FAM20A: variants seen among roughly 807,000 people sequenced by gnomAD.
FAM20A encodes FAM20A golgi associated secretory pathway pseudokinase.
In FAM20A, 42 loss-of-function variants were observed where a neutral mutation model predicts 52.0. The observed-to-expected ratio is 0.81, with a 90% CI of 0.63 to 1.04. The LOEUF is 1.04. Ranked by LOEUF, FAM20A falls within the 50% of genes least tolerant of loss-of-function variation. FAM20A has a pLI of 0.00. For synonymous variants in FAM20A, 304 were observed against 298.9 expected (o/e 1.02, Z -0.18); for missense variants, 742 against 712.7 (o/e 1.04, Z -0.47).
intron 1 of FAM20A, among the ~76,000 whole-genome samples, chr17:68,561,709 A>G (rs539923166): frequency 1.3e-5 from 2 of 152,196 alleles, no homozygotes; most frequent in South Asian, 2.1e-4. Flanking sequence ...AGTTTTAAAC[A>G]GGCTTATCAA....
At chr17:68,570,821 C>T (rs986186207) in intron 1 of FAM20A, among the ~76,000 whole-genome samples, 7 of 152,198 alleles carry the variant, frequency 4.6e-5, no homozygotes, top group Non-Finnish European at 4.4e-5. Context: ...GCTAAATTCA[C>T]TGGTTACTAA....
At chr17:68,574,734 G>T (rs1214714369) in intron 1 of FAM20A, among the ~76,000 whole-genome samples, 1 of 152,160 alleles carries the variant, frequency 6.6e-6, no homozygotes, top group Non-Finnish European at 1.5e-5. Context: ...GAAGTCAAGA[G>T]CTCTATTTGG....
rs201900897 is a variant in FAM20A at position 68,542,829 on chromosome 17, G to A, written c.813-20C>T. ...AGAATCCTGCAAGAGAGGAAGCTCT[G>A]TTCCATCTGAGGGATGATCAGGGAG... On this transcript the variant is annotated intron_variant, in intron 5 of 10. Transcript: ENST00000592554. The A allele has an allele frequency of 6.4e-7, 1 of 1,573,716 alleles. No homozygotes were observed. The highest frequency in any genetic ancestry group is 1.7e-4 in the Middle Eastern group (1 of 5,984).
intron 1 of FAM20A, among the ~76,000 whole-genome samples, chr17:68,573,256 G>A (rs963745747): frequency 5.9e-5 from 9 of 152,192 alleles, no homozygotes; most frequent in Non-Finnish European, 7.3e-5. Flanking sequence ...ACCTCTCTGC[G>A]CCTCACCTCA....
chr17:68,585,475 A>AT (rs1279648984), intron 1 of FAM20A, among the ~76,000 whole-genome samples: 1 of 149,902 alleles, frequency 6.7e-6, no homozygotes, highest in Non-Finnish European at 1.5e-5. Context: ...TTTTATGTAA[A>AT]TTTTTCTTTT....
Position 68,537,647 on chromosome 17 carries a change from G to A in FAM20A, c.1456C>T (p.Leu486Phe). The A allele has an allele frequency of 1.9e-6, 3 of 1,613,876 alleles. No homozygotes were observed. The highest frequency in any genetic ancestry group is 2.5e-6 in the Non-Finnish European group (3 of 1,179,918). The change falls in exon 11 of 11, where the codon CTC (leucine) becomes TTC (phenylalanine). Residue 486 changes from leucine to phenylalanine, a missense_variant. Coordinates refer to ENST00000592554, the MANE Select transcript of FAM20A (RefSeq NM_017565.4). The surrounding 1 kb of genome is among the most constrained non-coding windows in gnomAD (Gnocchi z 4.2). ...VMRESLLEDQ[L>F]SPVLTEPHLL... ...TGGGGTTCAGTGAGGACAGGGCTGA[G>A]CTGGTCTTCCAGCAGTGATTCTCGC...
rs867031084 is a variant in FAM20A at position 68,555,676 on chromosome 17, C to G, written c.472G>C (p.Glu158Gln). The G allele has an allele frequency of 6.2e-7, 1 of 1,613,868 alleles. No homozygotes were observed. The highest frequency in any genetic ancestry group is 1.7e-5 in the Admixed American group (1 of 60,024). The change falls in exon 2 of 11, where the codon GAG becomes CAG. Residue 158 changes from glutamate to glutamine, a missense_variant. Coordinates refer to ENST00000592554, the MANE Select transcript of FAM20A (RefSeq NM_017565.4). ...AGGTGGAACTGGACCCAGCTGGCCT[C>G]GAGTCGGAGCTGCAGTGGGGGGTCC... The part of the protein sequence containing the change: ...SLDPPLQLRL[E>Q]ASWVQFHLGI...
intron 1 of FAM20A, among the ~76,000 whole-genome samples, chr17:68,598,856 T>C (rs2088531655): frequency 6.6e-6 from 1 of 152,188 alleles, no homozygotes; most frequent in Non-Finnish European, 1.5e-5. Flanking sequence ...ATAGTAGACA[T>C]ATAGATACTT....
At chr17:68,548,723 A>ATTTTTT (rs200833117) in intron 4 of FAM20A, among the ~76,000 whole-genome samples, 9 of 117,944 alleles carry the variant, frequency 7.6e-5, no homozygotes, top group Non-Finnish European at 1.0e-4. Flanking sequence ...CTATGCCTGT[A>ATTTTTT]TATTTTTTTT....
Position 68,600,931 on chromosome 17 carries a change from G to A in FAM20A, c.-265C>T. ...AGTGAGCCGAGGGAATGGGGTTCCCGGGGTGCCCGCTTCTTGCGCCTTTTC... is the reference window on the plus strand; with the variant it reads ...AGTGAGCCGAGGGAATGGGGTTCCCAGGGTGCCCGCTTCTTGCGCCTTTTC... On this transcript the variant is annotated 5_prime_UTR_variant, in exon 1 of 11. Transcript: ENST00000592554. The surrounding 1 kb of genome is among the most constrained non-coding windows in gnomAD (Gnocchi z 6.2). 4.8e-6 allele frequency: 2 copies of A among 418,904 alleles called. No homozygotes were observed. The highest frequency in any genetic ancestry group is 8.3e-6 in the Non-Finnish European group (2 of 239,532). The allele number at this position is 418,904 out of a possible 1,614,324, so 25.9% of individuals were successfully genotyped here. A position where few individuals can be genotyped will look rare whatever the true frequency, so the allele number is the denominator to read the frequency against.
At chr17:68,587,281 T>A (rs2088188306) in intron 1 of FAM20A, among the ~76,000 whole-genome samples, 1 of 152,236 alleles carries the variant, frequency 6.6e-6, no homozygotes, top group South Asian at 2.1e-4. Flanking sequence ...CCACAGGGTC[T>A]AGGCTAGTGC....
rs1437227841 is a variant in FAM20A, at chr17:68,539,378, A to G, written c.1320T>C (p.His440=). The change falls in exon 10 of 11, where the codon CAT becomes CAC. Residue 440 remains histidine, a synonymous_variant. Transcript: ENST00000592554. ...GAGGCGAGAGGATGGAGATTTCATC[A>G]TGGGAGTGTCGTCCGAACCTAGGAG... ...DNARGFGRHS[H]DEISILSPLS... 6.2e-7 allele frequency: 1 copy of G among 1,614,214 alleles called. No individual in the cohort carries two copies. The highest frequency in any genetic ancestry group is 1.1e-5 in the South Asian group (1 of 91,082).
chr17:68,555,874 C>A, intron 1 of FAM20A, 131 bp from the exon 2 acceptor site: 2 of 1,106,172 alleles, frequency 1.8e-6, no homozygotes, highest in Non-Finnish European at 1.3e-6. Flanking sequence ...GAGGGCTAGG[C>A]TTTAAGCTGT....
In FAM20A at chr17:68,559,129, G is replaced by C. The variant is rs76273533; in HGVS notation, c.405-3386C>G. Among the ~76,000 whole-genome samples, 825 of 152,166 alleles carry C rather than the reference G, an allele frequency of 5.4e-3. 7 individuals are homozygous for C. The highest frequency in any genetic ancestry group is 0.019 in the African/African-American group (777 of 41,506). On this transcript the variant is annotated intron_variant, in intron 1 of 10. Transcript: ENST00000592554. ...GACTTCTGACCTATAGGACAAATGG[G>C]GTGTTGTTCTAAGTGTCTAAGTTTG...
At chr17:68,567,654 G>A (rs1486187943) in intron 1 of FAM20A, among the ~76,000 whole-genome samples, 1 of 151,970 alleles carries the variant, frequency 6.6e-6, no homozygotes, top group Non-Finnish European at 1.5e-5. Context: ...ATACCTGAAA[G>A]TTTGTCCTGC....
At chr17:68,580,305 G>T (rs939492941) in intron 1 of FAM20A, among the ~76,000 whole-genome samples, 3 of 152,228 alleles carry the variant, frequency 2.0e-5, no homozygotes, top group Non-Finnish European at 2.9e-5. Context: ...ACTGTTTGCT[G>T]TTGAGAAAGC....
chr17:68,543,659 T>C lies in FAM20A; in HGVS notation c.782A>G (p.Asn261Ser). The change falls in exon 5 of 11, where the codon AAT (asparagine) becomes AGT (serine). Residue 261 changes from asparagine (N) to serine (S), a missense_variant. Physicochemically the swap from Asn to Ser is conservative, Grantham distance 46. Transcript: ENST00000592554. ...FFYFIDFQRH[N>S]AEIAAFHLDR... ...CAGATGGAAAGCTGCGATCTCAGCATTGTGTCTCTGAAAGTCAATGAAGTA... is the reference window on the plus strand; with the variant it reads ...CAGATGGAAAGCTGCGATCTCAGCACTGTGTCTCTGAAAGTCAATGAAGTA... The C allele has an allele frequency of 6.2e-7, 1 of 1,614,132 alleles. No individual in the cohort carries two copies.
At chr17:68,540,386 T>G (rs1439296740) in intron 8 of FAM20A, among the ~76,000 whole-genome samples, 2 of 152,218 alleles carry the variant, frequency 1.3e-5, no homozygotes, top group Admixed American at 6.5e-5. Context: ...CTGTCTGACT[T>G]GCTTCCGACC....
chr17:68,587,247 G>A (rs1369626070), intron 1 of FAM20A, among the ~76,000 whole-genome samples: 1 of 152,184 alleles, frequency 6.6e-6, no homozygotes, highest in Non-Finnish European at 1.5e-5. Context: ...ACCCTTGGCT[G>A]TACAGCTCAC....
Sources: allele counts gnomAD v4.1 joint callset (sites outside exome capture counted in the v4.1 genomes callset), GRCh38; gene constraint gnomAD v4.1.1; non-coding constraint Gnocchi (gnomAD v3.1); transcripts MANE v1.5; gene names NCBI Gene and HGNC (gene_info 2026-07-23, HGNC 2026-07-21).